STXBP5: variants seen among roughly 807,000 people sequenced by gnomAD.
STXBP5 encodes syntaxin binding protein 5.
STXBP5 carries 50 observed loss-of-function variants against 152.4 expected under a neutral mutation model. The ratio of observed to expected loss-of-function variants is 0.33; its 90% CI spans 0.26 to 0.42. The LOEUF is 0.42. Ranked by LOEUF, STXBP5 falls within the 10% of genes least tolerant of loss-of-function variation. The probability of loss-of-function intolerance (pLI) is 1.00; values close to 1 mark genes in which losing one functional copy is unlikely to be tolerated. For synonymous variants in STXBP5, 492 were observed against 494.7 expected, an observed-to-expected ratio of 0.99 and a Z score of 0.07; for missense variants, 1,167 against 1,388.6, an observed-to-expected ratio of 0.84 and a Z score of 2.54.
intron 26 of STXBP5, among the ~76,000 whole-genome samples, chr6:147,375,675 A>G (rs988828189): frequency 2.0e-5 from 3 of 151,266 alleles, no homozygotes; most frequent in Non-Finnish European, 3.0e-5. Context: ...TTTAGAATTG[A>G]TACAGTGATC....
intron 8 of STXBP5, among the ~76,000 whole-genome samples, chr6:147,289,358 A>T (rs935558994): frequency 5.3e-5 from 8 of 152,324 alleles, no homozygotes; most frequent in Admixed American, 3.3e-4. Context: ...GCTTTGTCCA[A>T]ATTCAAGAAA....
At chr6:147,299,790 C>T (rs1014346537) in intron 9 of STXBP5, among the ~76,000 whole-genome samples, 1 of 152,014 alleles carries the variant, frequency 6.6e-6, no homozygotes, top group East Asian at 1.9e-4. Flanking sequence ...TTCACCAGTT[C>T]TGTCCAACAT....
intron 2 of STXBP5, among the ~76,000 whole-genome samples, chr6:147,216,970 T>G (rs1260731543): frequency 6.6e-6 from 1 of 152,234 alleles, no homozygotes; most frequent in Non-Finnish European, 1.5e-5. Context: ...TGTTTGGTCT[T>G]GTTTTTTATT....
intron 9 of STXBP5, chr6:147,293,478 C>G (rs558357818): frequency 6.2e-4 from 94 of 152,354 alleles, no homozygotes; most frequent in African/African-American, 2.2e-3. Context: ...AGAGCAGAAT[C>G]AGCCTCTATT....
chr6:147,334,035 C>T (rs191304798), intron 18 of STXBP5, 122 bp from the exon 19 acceptor site: 16 of 876,704 alleles, frequency 1.8e-5, no homozygotes, highest in Non-Finnish European at 2.6e-5. Flanking sequence ...ATCAGTACCA[C>T]AGTCTGTTAA....
Position 147,335,630 on chromosome 6 carries a change from C to T in STXBP5, c.2146+1408C>T, listed in dbSNP as rs192922566. 7.9e-3 allele frequency among the ~76,000 whole-genome samples: 1,202 copies of T among 152,080 alleles called. 5 individuals are homozygous for T. Among genetic ancestry groups the T allele is most frequent in the Admixed American group, 0.013 (200 of 15,276 alleles). The stretch of plus-strand genomic sequence containing the variant: ...TTTGTAGATAAGTATATATTTAAAT[C>T]TAAGTATATGAATATAAAAAGTAGC... On this transcript the variant is annotated intron_variant, in intron 19 of 27. Transcript: ENST00000321680.
At chr6:147,345,746 CAG>C (rs1465922476) in intron 21 of STXBP5, among the ~76,000 whole-genome samples, 2 of 152,100 alleles carry the variant, frequency 1.3e-5, no homozygotes, top group African/African-American at 4.8e-5. Context: ...GATGTGGACA[CAG>C]TGGGTAGAAA....
At chr6:147,214,739 G>A (rs1582793493) in intron 2 of STXBP5, among the ~76,000 whole-genome samples, 2 of 152,152 alleles carry the variant, frequency 1.3e-5, no homozygotes, top group Admixed American at 6.5e-5. Flanking sequence ...ATATGGAATG[G>A]CATTTTCTTT....
At chr6:147,364,596 T>C (rs1356618671) in intron 25 of STXBP5, among the ~76,000 whole-genome samples, 3 of 152,218 alleles carry the variant, frequency 2.0e-5, no homozygotes, top group African/African-American at 4.8e-5. Flanking sequence ...AAAAATGTTA[T>C]TTGGTAGTTT....
At chr6:147,270,372 C>T (rs990566738) in intron 7 of STXBP5, among the ~76,000 whole-genome samples, 2 of 143,194 alleles carry the variant, frequency 1.4e-5, no homozygotes, top group Non-Finnish European at 3.0e-5. Context: ...GCACTCCACC[C>T]TGGGCGACAG....
At chr6:147,279,103 C>T (rs1302936166) in intron 8 of STXBP5, among the ~76,000 whole-genome samples, 1 of 152,190 alleles carries the variant, frequency 6.6e-6, no homozygotes, top group African/African-American at 2.4e-5. Flanking sequence ...TAGACATCAG[C>T]CAAGGGCCAA....
chr6:147,302,737 C>T (rs957773962), intron 9 of STXBP5, among the ~76,000 whole-genome samples: 4 of 152,128 alleles, frequency 2.6e-5, no homozygotes, highest in Non-Finnish European at 5.9e-5. Flanking sequence ...ATCACTTGAA[C>T]CCAGGAGGCG....
chr6:147,354,886 G>A (rs557944449), intron 22 of STXBP5, among the ~76,000 whole-genome samples: 1 of 152,050 alleles, frequency 6.6e-6, no homozygotes, highest in African/African-American at 2.4e-5. Context: ...AAGTTATTTT[G>A]TTGTTGAACT....
intron 2 of STXBP5, among the ~76,000 whole-genome samples, chr6:147,218,110 A>G (rs1002156229): frequency 6.6e-6 from 1 of 152,178 alleles, no homozygotes; most frequent in African/African-American, 2.4e-5. Context: ...GAGATATTAT[A>G]TATACTCCCT....
intron 4 of STXBP5, among the ~76,000 whole-genome samples, chr6:147,241,789 A>G (rs1309194572): frequency 1.3e-5 from 2 of 152,168 alleles, no homozygotes; most frequent in African/African-American, 2.4e-5. Context: ...AGTGCAATAC[A>G]TTATTCACAT....
intron 6 of STXBP5, among the ~76,000 whole-genome samples, chr6:147,266,733 A>C (rs1242088202): frequency 6.6e-6 from 1 of 152,144 alleles, no homozygotes; most frequent in Non-Finnish European, 1.5e-5. Context: ...ATTTGGAACT[A>C]ATCAATATAT....
intron 21 of STXBP5, among the ~76,000 whole-genome samples, chr6:147,340,087 A>C (rs921751901): frequency 3.3e-5 from 5 of 152,174 alleles, no homozygotes; most frequent in African/African-American, 9.6e-5. Context: ...CTTTTAGAAA[A>C]AGAGGATAAA....
chr6:147,230,884 T>C (rs1425843611), intron 2 of STXBP5, among the ~76,000 whole-genome samples: 2 of 151,832 alleles, frequency 1.3e-5, no homozygotes, highest in Non-Finnish European at 2.9e-5. Context: ...ACATATGTAG[T>C]AGTATTGTAA....
In STXBP5 at chr6:147,287,194, ATTTTTTTTTTTTT is replaced by A. The variant is rs11370591; in HGVS notation, c.839-3886_839-3874del. On this transcript the variant is annotated intron_variant, in intron 8 of 27. Coordinates refer to ENST00000321680, the MANE Select transcript of STXBP5 (RefSeq NM_001127715.4). ...TAGTTCAATAATAACTTAATTGTAC[ATTTTTTTTTTTTT>A]TTTTTTTTTTTTTGAGACGGAGTCT... 4.0e-5 allele frequency among the ~76,000 whole-genome samples: 3 copies of A among 75,262 alleles called. No homozygotes were observed. In the East Asian group the frequency reaches 1.3e-3, roughly 33 times the overall value. The allele number at this position is 75,262 out of a possible 152,430, so 49.4% of individuals were successfully genotyped here.
Sources: gnomAD v4.1 joint callset for allele counts (sites outside exome capture counted in the v4.1 genomes callset) on GRCh38, gnomAD v4.1.1 for gene constraint, MANE v1.5 for transcripts, NCBI Gene and HGNC (gene_info 2026-07-23, HGNC 2026-07-21) for gene names.